Variants in NMNAT2 observed in about 807,000 individuals in gnomAD.
NMNAT2 encodes the protein nicotinamide nucleotide adenylyltransferase 2, also known as nicotinamide/nicotinic acid mononucleotide adenylyltransferase 2.
In NMNAT2, 11 loss-of-function variants were observed where a neutral mutation model predicts 41.6. That is an observed-to-expected ratio of 0.26 (90% confidence interval 0.17 to 0.44). NMNAT2 has a LOEUF of 0.44. Ranked by LOEUF, NMNAT2 falls within the 20% of genes least tolerant of loss-of-function variation. The pLI is 1.00. For synonymous variants in NMNAT2, 148 were observed against 151.2 expected (o/e 0.98, Z 0.16); for missense variants, 288 against 407.7 (o/e 0.71, Z 2.53).
At chr1:183,392,826 C>T (rs1024669616) in intron 1 of NMNAT2, among the ~76,000 whole-genome samples, 27 of 152,188 alleles carry the variant, frequency 1.8e-4, no homozygotes, top group Admixed American at 1.5e-3. Context: ...CAATGTGATT[C>T]CCCCAATCAC....
chr1:183,409,281 G>A (rs1173940551), intron 1 of NMNAT2, among the ~76,000 whole-genome samples: 2 of 152,044 alleles, frequency 1.3e-5, no homozygotes, highest in African/African-American at 4.8e-5. Context: ...TTTTTTAAAT[G>A]GTAAATAATT....
chr1:183,412,434 A>C (rs1178146864), intron 1 of NMNAT2, among the ~76,000 whole-genome samples: 12 of 152,224 alleles, frequency 7.9e-5, no homozygotes, highest in Non-Finnish European at 1.5e-5. Context: ...CTTGTTAGCC[A>C]GGATGGTCTC....
chr1:183,330,967 C>G (rs893336919), intron 1 of NMNAT2, among the ~76,000 whole-genome samples: 9 of 152,114 alleles, frequency 5.9e-5, no homozygotes, highest in Non-Finnish European at 1.2e-4. Context: ...GTTGAAGGAG[C>G]CTCCTCTGTT....
chr1:183,249,299 A>T lies in NMNAT2; in HGVS notation c.*3342T>A, dbSNP rs1254518947. On this transcript the variant is annotated 3_prime_UTR_variant, in exon 11 of 11. Transcript: ENST00000287713. ...CCCACTAGCAGCACAGCCCTCCCAG[A>T]GGACCATTCCTTAAGGACAGAGTTA... 6.6e-6 allele frequency: 1 copy of T among 152,228 alleles called. No homozygotes were observed. Among genetic ancestry groups the T allele is most frequent in the Non-Finnish European group, 1.5e-5 (1 of 68,056 alleles). 9.4% of individuals were successfully genotyped at this position (152,228 alleles called of 1,614,324 possible). A position where few individuals can be genotyped will look rare whatever the true frequency, so the allele number is the denominator to read the frequency against.
chr1:183,414,669 C>A (rs995750225), intron 1 of NMNAT2, among the ~76,000 whole-genome samples: 1 of 152,158 alleles, frequency 6.6e-6, no homozygotes, highest in Non-Finnish European at 1.5e-5. Flanking sequence ...CTCACAAATA[C>A]TATTTTTTCC....
Position 183,251,950 on chromosome 1 carries a change from T to C in NMNAT2, c.*691A>G, listed in dbSNP as rs1660396734. ...ATGTGTGCGTGTGTGTGTGTGTGCG[T>C]GTGTGTGGTGCTGAAGAAGTGGAGG... On this transcript the variant is annotated 3_prime_UTR_variant, in exon 11 of 11. Transcript: ENST00000287713. 1.3e-5 allele frequency: 2 copies of C among 154,742 alleles called. No homozygotes were observed. The highest frequency in any genetic ancestry group is 2.5e-5 in the African/African-American group (1 of 40,308). The allele number at this position is 154,742 out of a possible 1,614,324, so 9.6% of individuals were successfully genotyped here.
chr1:183,385,202 TA>T (rs34944768), intron 1 of NMNAT2, among the ~76,000 whole-genome samples: 2,242 of 151,506 alleles, frequency 0.015, 50 homozygotes, highest in African/African-American at 0.051. Flanking sequence ...ACTCTGTCTC[TA>T]AAAAAAACAA....
At chr1:183,289,874 A>T (rs1238250849) in intron 4 of NMNAT2, among the ~76,000 whole-genome samples, 2 of 152,262 alleles carry the variant, frequency 1.3e-5, no homozygotes, top group Middle Eastern at 3.4e-3. Context: ...CAGCAGCAAC[A>T]CCCCAAATGG....
At chr1:183,414,931 G>GT (rs577122596) in intron 1 of NMNAT2, among the ~76,000 whole-genome samples, 59 of 151,890 alleles carry the variant, frequency 3.9e-4, no homozygotes, top group South Asian at 1.7e-3. Flanking sequence ...GTTTGTGTCT[G>GT]TTTTTTAAAA....
chr1:183,298,234 A>G (rs945507912), intron 1 of NMNAT2, among the ~76,000 whole-genome samples: 5 of 152,174 alleles, frequency 3.3e-5, no homozygotes, highest in Admixed American at 6.5e-5. Flanking sequence ...GCATACAGAT[A>G]AAAAAAGGAA....
intron 1 of NMNAT2, among the ~76,000 whole-genome samples, chr1:183,382,889 G>A (rs1280465236): frequency 6.6e-6 from 1 of 152,118 alleles, no homozygotes; most frequent in Non-Finnish European, 1.5e-5. Context: ...GAGCCTGGAG[G>A]ATGGTGGCTG....
chr1:183,360,387 G>A (rs949438954), intron 1 of NMNAT2, among the ~76,000 whole-genome samples: 1 of 151,896 alleles, frequency 6.6e-6, no homozygotes, highest in Admixed American at 6.6e-5. Flanking sequence ...ATTCCTCACC[G>A]AGAAAGATAC....
At chr1:183,311,060 C>T (rs1662107173) in intron 1 of NMNAT2, among the ~76,000 whole-genome samples, 1 of 152,102 alleles carries the variant, frequency 6.6e-6, no homozygotes, top group African/African-American at 2.4e-5. Flanking sequence ...GAGATTTGCC[C>T]CTGCTTGAGT....
At chr1:183,336,242 T>C (rs1431192564) in intron 1 of NMNAT2, among the ~76,000 whole-genome samples, 1 of 152,014 alleles carries the variant, frequency 6.6e-6, no homozygotes, top group African/African-American at 2.4e-5. Context: ...AACAAGGCAA[T>C]TAAAAGAAAA....
intron 1 of NMNAT2, among the ~76,000 whole-genome samples, chr1:183,405,448 T>C (rs558092698): frequency 1.3e-5 from 2 of 152,326 alleles, no homozygotes; most frequent in Admixed American, 1.3e-4. Flanking sequence ...AATGGCTTTT[T>C]TATTACTTGG....
intron 10 of NMNAT2, among the ~76,000 whole-genome samples, chr1:183,257,819 T>G (rs1660559307): frequency 1.3e-5 from 2 of 152,096 alleles, no homozygotes; most frequent in Admixed American, 6.5e-5. Context: ...CTCTTCATTT[T>G]ATTAATTTTT....
At chr1:183,362,811 T>A (rs1432004416) in intron 1 of NMNAT2, among the ~76,000 whole-genome samples, 1 of 152,200 alleles carries the variant, frequency 6.6e-6, no homozygotes, top group East Asian at 1.9e-4. Context: ...ATATGGTAAG[T>A]CTATGTTTAA....
intron 1 of NMNAT2, among the ~76,000 whole-genome samples, chr1:183,348,214 A>T (rs1427910546): frequency 6.6e-6 from 1 of 152,100 alleles, no homozygotes; most frequent in Non-Finnish European, 1.5e-5. Context: ...CATCTTTTAG[A>T]GGTTTTTTTT....
chr1:183,397,647 G>A (rs1456500226), intron 1 of NMNAT2, among the ~76,000 whole-genome samples: 5 of 152,166 alleles, frequency 3.3e-5, no homozygotes, highest in Non-Finnish European at 2.9e-5. Context: ...AAAATGTTAA[G>A]AGCAGCCAGA....
Sources: allele counts gnomAD v4.1 joint callset (sites outside exome capture counted in the v4.1 genomes callset), GRCh38; gene constraint gnomAD v4.1.1; transcripts MANE v1.5; gene names NCBI Gene and HGNC (gene_info 2026-07-23, HGNC 2026-07-21).